HLCS: variants seen among roughly 807,000 people sequenced by gnomAD.
The protein encoded by HLCS is biotin--protein ligase.
In HLCS, 53 loss-of-function variants were observed where a neutral mutation model predicts 75.0. The observed-to-expected ratio is 0.71, with a 90% CI of 0.57 to 0.89. The LOEUF (loss-of-function observed/expected upper bound fraction) is 0.89, where lower values mean the gene tolerates loss of function less well. Among genes scored for constraint, HLCS ranks in the 40% least tolerant of loss-of-function variants. HLCS has a pLI of 0.00. For missense variants in HLCS, 966 were observed against 1,074.0 expected, an observed-to-expected ratio of 0.90 and a Z score of 1.41; for synonymous variants, 431 against 428.6, an observed-to-expected ratio of 1.01 and a Z score of -0.07.
intron 7 of HLCS, 54 bp downstream of exon 7, chr21:36,767,164 G>T: frequency 6.4e-7 from 1 of 1,550,752 alleles, no homozygotes; most frequent in Non-Finnish European, 8.9e-7. Context: ...GGCCACAAGA[G>T]TTGCAGAGTT....
At chr21:36,989,613 AC>A (rs1184825673) in intron 1 of HLCS, among the ~76,000 whole-genome samples, 3 of 152,042 alleles carry the variant, frequency 2.0e-5, no homozygotes, top group Non-Finnish European at 4.4e-5. Flanking sequence ...ACAAGCGTGA[AC>A]CACCGCGCCC....
At position 36,758,104 on chromosome 21, in the gene HLCS, TTTTA is replaced by T. The variant is rs925143799; in HGVS notation, c.2237-1353_2237-1350del. Among the ~76,000 whole-genome samples, 11 of 152,256 alleles carry T rather than the reference TTTTA, an allele frequency of 7.2e-5. No homozygotes were observed. In the Middle Eastern group the frequency reaches 0.01, roughly 141 times the overall value. On this transcript the variant is annotated intron_variant, in intron 9 of 10. Transcript: ENST00000674895. The stretch of plus-strand genomic sequence containing the variant: ...TTCATTCCCCTACTTTATTTTTTAT[TTTTA>T]TTTATTTATTTTTTGGAGACGGGGT...
intron 5 of HLCS, among the ~76,000 whole-genome samples, chr21:36,919,560 A>G (rs1442310646): frequency 6.6e-6 from 1 of 152,236 alleles, no homozygotes; most frequent in Non-Finnish European, 1.5e-5. Flanking sequence ...TAATTGCAGT[A>G]TGGGGCAAGA....
At chr21:36,886,383 A>G (rs1287052679) in intron 6 of HLCS, among the ~76,000 whole-genome samples, 2 of 146,212 alleles carry the variant, frequency 1.4e-5, no homozygotes, top group Non-Finnish European at 1.5e-5. Context: ...CAGCGAGCTG[A>G]TATCGCACCA....
chr21:36,973,330 TC>T, intron 1 of HLCS, among the ~76,000 whole-genome samples: 1 of 145,318 alleles, frequency 6.9e-6, no homozygotes, highest in South Asian at 2.2e-4. Flanking sequence ...TACAAAGAAC[TC>T]CAAATCAATG....
rs745974918 is a variant in HLCS at position 36,754,227 on chromosome 21, GT to G, written c.*18del. On this transcript the variant is annotated 3_prime_UTR_variant, in exon 11 of 11. Transcript: ENST00000674895. ...TGCATGGGCACGGACAGGCAGCCGC[GT>G]CTCGGGGACGCCCGGCATTACCGCC... The G allele has an allele frequency of 8.1e-6, 13 of 1,613,170 alleles. No individual in the cohort carries two copies. The highest frequency in any genetic ancestry group is 9.3e-6 in the Non-Finnish European group (11 of 1,179,668).
At chr21:36,820,265 T>C (rs977286419) in intron 6 of HLCS, among the ~76,000 whole-genome samples, 1 of 152,146 alleles carries the variant, frequency 6.6e-6, no homozygotes, top group Non-Finnish European at 1.5e-5. Flanking sequence ...GCTGCACCTC[T>C]ACAGAGCTGG....
At chr21:36,858,998 A>G (rs187568431) in intron 6 of HLCS, among the ~76,000 whole-genome samples, 1 of 152,140 alleles carries the variant, frequency 6.6e-6, no homozygotes, top group East Asian at 1.9e-4. Context: ...CCCCTAAGTC[A>G]CCCAATGTTT....
At chr21:36,761,925 T>G (rs909470338) in intron 8 of HLCS, among the ~76,000 whole-genome samples, 1 of 152,242 alleles carries the variant, frequency 6.6e-6, no homozygotes, top group Non-Finnish European at 1.5e-5. Flanking sequence ...GGGCGGGCCC[T>G]GCACTTGGGC....
intron 4 of HLCS, among the ~76,000 whole-genome samples, chr21:36,932,991 G>A (rs1239424264): frequency 6.6e-6 from 1 of 152,138 alleles, no homozygotes; most frequent in African/African-American, 2.4e-5. Context: ...GGTGGCGCAC[G>A]CCTGTAATCC....
At position 36,753,805 on chromosome 21, in the gene HLCS, A is replaced by G. The variant is rs2089451585; in HGVS notation, c.*441T>C. ...TGTTCTTACAGTTCAGTACCTCCCC[A>G]GATGCTTACAAACAGTGATAGCATA... On this transcript the variant is annotated 3_prime_UTR_variant, in exon 11 of 11. Transcript: ENST00000674895. The surrounding 1 kb of genome is among the most constrained non-coding windows in gnomAD (Gnocchi z 4.3). 1 of 262,836 alleles carries G rather than the reference A, an allele frequency of 3.8e-6. No individual in the cohort carries two copies. The highest frequency in any genetic ancestry group is 2.3e-5 in the African/African-American group (1 of 44,124). The allele number at this position is 262,836 out of a possible 1,614,324, so 16.3% of individuals were successfully genotyped here.
Position 36,765,056 on chromosome 21 carries a change from A to C in HLCS, c.2077T>G (p.Ser693Ala). Residue 693 changes from serine (S) to alanine (A), a missense_variant, in exon 8 of 11, where the codon TCC (serine) becomes GCC (alanine). Physicochemically the swap from Ser to Ala is moderately conservative, Grantham distance 99. Coordinates refer to ENST00000674895, the MANE Select transcript of HLCS (RefSeq NM_001352514.2). Reference sequence around the variant, plus strand: ...CTCACTGCTTCCACGACAGCCACGGACATCAGATGCTGGACAAACGGGATC... The same window carrying C: ...CTCACTGCTTCCACGACAGCCACGGCCATCAGATGCTGGACAAACGGGATC... ...QRIPFVQHLM[S>A]VAVVEAVRSI... is the part of the protein sequence containing the mutation. 1 of 1,614,230 alleles carries C rather than the reference A, an allele frequency of 6.2e-7. No homozygotes were observed. The highest frequency in any genetic ancestry group is 8.5e-7 in the Non-Finnish European group (1 of 1,180,040).
In HLCS at chr21:36,783,955, G is replaced by A. The variant is rs147983969; in HGVS notation, c.1893-16670C>T. Among the ~76,000 whole-genome samples, 53 of 152,150 alleles carry A rather than the reference G, an allele frequency of 3.5e-4. No individual in the cohort carries two copies. In the East Asian group the frequency reaches 6.8e-3, roughly 19 times the overall value. ...TCCACTCACTGTAAGATTTCTCCAA[G>A]GTCTTATAAATGAATGAATGAACGG... On this transcript the variant is annotated intron_variant, in intron 6 of 10. Transcript: ENST00000674895.
At chr21:36,986,106 G>C (rs1472634594) in intron 1 of HLCS, among the ~76,000 whole-genome samples, 1 of 152,120 alleles carries the variant, frequency 6.6e-6, no homozygotes, top group African/African-American at 2.4e-5. Context: ...GGTCATAAAG[G>C]CTCTGCTGTT....
chr21:36,782,282 G>A (rs1208852213), intron 6 of HLCS, among the ~76,000 whole-genome samples: 2 of 152,122 alleles, frequency 1.3e-5, no homozygotes, highest in Non-Finnish European at 2.9e-5. Context: ...GATCCTGTAG[G>A]AAAATTCCAA....
chr21:36,813,153 A>G (rs1456713929), intron 6 of HLCS, among the ~76,000 whole-genome samples: 3 of 152,250 alleles, frequency 2.0e-5, no homozygotes, highest in African/African-American at 7.2e-5. Context: ...AACTGCATGG[A>G]TAATTTTGCT....
intron 4 of HLCS, 82 bp downstream of exon 4, chr21:36,936,367 C>T: frequency 2.5e-6 from 3 of 1,213,400 alleles, no homozygotes; most frequent in Middle Eastern, 1.9e-4. Flanking sequence ...AACTTTTAAG[C>T]GTGTACCTTT....
intron 5 of HLCS, among the ~76,000 whole-genome samples, chr21:36,903,685 A>G (rs1255710310): frequency 6.6e-6 from 1 of 152,238 alleles, no homozygotes; most frequent in African/African-American, 2.4e-5. Flanking sequence ...CAGATTGACT[A>G]TGGTATACAT....
intron 6 of HLCS, among the ~76,000 whole-genome samples, chr21:36,880,807 G>T (rs571106704): frequency 1.3e-5 from 2 of 152,152 alleles, no homozygotes; most frequent in Admixed American, 1.3e-4. Context: ...CTCCACATCT[G>T]CCCAAACTCC....
Sources: gnomAD v4.1 joint callset for allele counts (sites outside exome capture counted in the v4.1 genomes callset) on GRCh38, gnomAD v4.1.1 for gene constraint, Gnocchi (gnomAD v3.1) non-coding constraint, MANE v1.5 for transcripts, NCBI Gene and HGNC (gene_info 2026-07-23, HGNC 2026-07-21) for gene names.